TENM3: variants seen among roughly 807,000 people sequenced by gnomAD.
TENM3 encodes the protein teneurin transmembrane protein 3.
A neutral mutation model predicts 255.1 loss-of-function variants in TENM3; 63 were observed. The observed-to-expected ratio is 0.25, with a 90% CI of 0.20 to 0.30. The LOEUF (loss-of-function observed/expected upper bound fraction) is 0.30. Among genes scored for constraint, TENM3 ranks in the 10% least tolerant of loss-of-function variants. TENM3 has a pLI of 1.00. For missense variants in TENM3, 2,929 were observed against 3,461.1 expected (o/e 0.85, Z 3.86); for synonymous variants, 1,306 against 1,322.3 (o/e 0.99, Z 0.27).
the TENM3 span, among the ~76,000 whole-genome samples, chr4:182,133,038 A>C: frequency 6.6e-6 from 1 of 152,166 alleles, no homozygotes; most frequent in East Asian, 1.9e-4. Flanking sequence ...CAGGAGGAGG[A>C]GGGAAAATAG....
At chr4:181,531,728 T>G in the TENM3 span, among the ~76,000 whole-genome samples, 1 of 152,290 alleles carries the variant, frequency 6.6e-6, no homozygotes, top group Admixed American at 6.5e-5. Context: ...TGTGGAAATA[T>G]AAAACGCAAG....
intron 1 of TENM3, among the ~76,000 whole-genome samples, chr4:182,232,569 C>T (rs141104466): frequency 1.2e-4 from 18 of 152,116 alleles, no homozygotes; most frequent in African/African-American, 2.9e-4. Context: ...ACTAAAAATA[C>T]GAAAATTAGC....
rs943334906 is a variant in TENM3, at chr4:182,149,122, A to G, written c.-76+4368A>G. 7.2e-5 allele frequency among the ~76,000 whole-genome samples: 11 copies of G among 152,100 alleles called. No homozygotes were observed. In the East Asian group the frequency reaches 1.3e-3, roughly 19 times the overall value. On this transcript the variant is annotated intron_variant, in intron 1 of 2. Coordinates refer to the TENM3 transcript ENST00000512480. ...GAAGGAAAAAAACTTGATAAGAACTATGTATCTTTATTTTATTCTCTGTAA... is the reference window on the plus strand; with the variant it reads ...GAAGGAAAAAAACTTGATAAGAACTGTGTATCTTTATTTTATTCTCTGTAA...
the TENM3 span, among the ~76,000 whole-genome samples, chr4:181,553,243 C>T: frequency 6.8e-6 from 1 of 146,940 alleles, no homozygotes; most frequent in Admixed American, 6.8e-5. Context: ...CAAGTCAGGT[C>T]GCTATTATAG....
intron 7 of TENM3, among the ~76,000 whole-genome samples, chr4:182,679,113 A>G (rs1238124055): frequency 2.0e-5 from 3 of 152,094 alleles, no homozygotes. Context: ...AATGTAGATG[A>G]TGGATTGATG....
chr4:181,621,374 ATATCTT>A, the TENM3 span, among the ~76,000 whole-genome samples: 4 of 152,338 alleles, frequency 2.6e-5, no homozygotes, highest in African/African-American at 9.6e-5. Context: ...TTTCATAACT[ATATCTT>A]TATTTGTTTT....
chr4:181,753,500 G>T, the TENM3 span, among the ~76,000 whole-genome samples: 3 of 150,634 alleles, frequency 2.0e-5, no homozygotes, highest in Non-Finnish European at 4.4e-5. Context: ...GCTATTTTGG[G>T]ATAATACCCA....
chr4:182,798,044 T>A (rs1199162159), intron 27 of TENM3, among the ~76,000 whole-genome samples: 2 of 152,218 alleles, frequency 1.3e-5, no homozygotes, highest in Non-Finnish European at 2.9e-5. Flanking sequence ...ATATTTTTTT[T>A]TAATTGAAAT....
rs533763600 is a variant in TENM3, at chr4:182,388,277, TG to T, written c.511+41350del. Among the ~76,000 whole-genome samples, 81 of 152,288 alleles carry T rather than the reference TG, an allele frequency of 5.3e-4. 1 individual carries two copies. Among genetic ancestry groups the T allele is most frequent in the Middle Eastern group, 6.8e-3 (2 of 294 alleles). ...TAGCAGTCCCTCTCAGTCCTCTGCC[TG>T]GCCTCATCAAGACTTCTTCAGCCTG... On this transcript the variant is annotated intron_variant, in intron 3 of 27. Transcript: ENST00000511685.
At chr4:182,695,733 CAG>C (rs572080508) in intron 12 of TENM3, among the ~76,000 whole-genome samples, 591 of 152,248 alleles carry the variant, frequency 3.9e-3, no homozygotes, top group Middle Eastern at 0.01. Context: ...TGTATGGAAA[CAG>C]AAGCTAGTCT....
chr4:182,770,745 G>A (rs1453596962), intron 22 of TENM3, among the ~76,000 whole-genome samples: 1 of 152,170 alleles, frequency 6.6e-6, no homozygotes, highest in African/African-American at 2.4e-5. Flanking sequence ...TATGACCTCT[G>A]CTCACCCAGA....
the TENM3 span, among the ~76,000 whole-genome samples, chr4:181,981,926 A>T: frequency 1.3e-5 from 2 of 152,180 alleles, no homozygotes; most frequent in Non-Finnish European, 2.9e-5. Flanking sequence ...TGAAGTGGTG[A>T]TCAGACTCCT....
At chr4:181,798,075 G>A in the TENM3 span, among the ~76,000 whole-genome samples, 4 of 141,132 alleles carry the variant, frequency 2.8e-5, no homozygotes, top group East Asian at 2.2e-4. Flanking sequence ...ACATGTTAAC[G>A]CATATTTCAA....
Position 182,793,866 on chromosome 4 carries a change from C to T in TENM3, c.7194C>T (p.Asp2398=), listed in dbSNP as rs61753392. 7.2e-3 allele frequency: 11,509 copies of T among 1,608,464 alleles called. 439 individuals are homozygous for T. In the African/African-American group the frequency reaches 0.1, roughly 14 times the overall value. Residue 2398 remains aspartate (D), a synonymous_variant, in exon 26 of 28, where the codon GAC becomes GAT. Transcript: ENST00000511685. The surrounding 1 kb of genome is among the most constrained non-coding windows in gnomAD (Gnocchi z 5.7). ...ACAACCCTGCAAGCAAAATCCATGACGTGAAAGATTACATCACAGGTAAGC... is the reference window on the plus strand; with the variant it reads ...ACAACCCTGCAAGCAAAATCCATGATGTGAAAGATTACATCACAGGTAAGC... ...RNNNPASKIH[D]VKDYITDVNS...
chr4:182,647,216 T>C (rs575524017), intron 5 of TENM3, among the ~76,000 whole-genome samples: 10 of 152,356 alleles, frequency 6.6e-5, no homozygotes, highest in African/African-American at 2.2e-4. Context: ...ATAATAGTTT[T>C]TGTTTTTAAT....
At chr4:182,136,819 AGTATTTTC>A in the TENM3 span, among the ~76,000 whole-genome samples, 1 of 152,252 alleles carries the variant, frequency 6.6e-6, no homozygotes, top group Non-Finnish European at 1.5e-5. Flanking sequence ...AAGAGGCTAA[AGTATTTTC>A]TAAATTTTAA....
the TENM3 span, among the ~76,000 whole-genome samples, chr4:182,019,615 T>C: frequency 2.0e-5 from 3 of 152,202 alleles, no homozygotes; most frequent in East Asian, 5.8e-4. Context: ...AAAGTTGACC[T>C]GTAGCCTTGA....
the TENM3 span, among the ~76,000 whole-genome samples, chr4:181,496,080 C>A: frequency 2.0e-5 from 3 of 152,090 alleles, no homozygotes; most frequent in African/African-American, 7.2e-5. Context: ...GATATTGTCC[C>A]AGTCATTAAC....
chr4:182,551,494 T>C (rs1742010405), intron 3 of TENM3, among the ~76,000 whole-genome samples: 1 of 152,198 alleles, frequency 6.6e-6, no homozygotes, highest in Admixed American at 6.5e-5. Context: ...CTTTTCAAAC[T>C]GTGATGATTA....
Sources: allele counts gnomAD v4.1 joint callset (sites outside exome capture counted in the v4.1 genomes callset), GRCh38; gene constraint gnomAD v4.1.1; non-coding constraint Gnocchi (gnomAD v3.1); transcripts MANE v1.5; gene names NCBI Gene and HGNC (gene_info 2026-07-23, HGNC 2026-07-21).